The following THSD7B variants were observed in gnomAD, a reference collection of about 807,000 sequenced individuals.
THSD7B encodes thrombospondin type 1 domain containing 7B.
A neutral mutation model predicts 213.6 loss-of-function variants in THSD7B; 138 were observed. The ratio of observed to expected loss-of-function variants is 0.65; its 90% CI spans 0.56 to 0.74. The LOEUF (loss-of-function observed/expected upper bound fraction) is 0.74. Ranked by LOEUF, THSD7B falls within the 30% of genes least tolerant of loss-of-function variation. The pLI, the probability that THSD7B is intolerant of heterozygous loss-of-function variation, is 0.00. For missense variants in THSD7B, 1,931 were observed against 1,991.5 expected, an observed-to-expected ratio of 0.97 and a Z score of 0.58; for synonymous variants, 742 against 687.0, an observed-to-expected ratio of 1.08 and a Z score of -1.25.
intron 17 of THSD7B, among the ~76,000 whole-genome samples, chr2:137,590,699 A>T (rs934128920): frequency 7.3e-5 from 11 of 150,636 alleles, no homozygotes; most frequent in African/African-American, 2.7e-4. Flanking sequence ...ATGATTTATA[A>T]TTTCCTTTTT....
At chr2:136,997,455 T>C (rs1685915053) in intron 2 of THSD7B, among the ~76,000 whole-genome samples, 1 of 152,198 alleles carries the variant, frequency 6.6e-6, no homozygotes, top group African/African-American at 2.4e-5. Flanking sequence ...CTAGAAAAGA[T>C]GGAGATAGTA....
At chr2:137,030,364 T>C (rs949410809) in intron 2 of THSD7B, among the ~76,000 whole-genome samples, 7 of 152,160 alleles carry the variant, frequency 4.6e-5, no homozygotes, top group African/African-American at 9.7e-5. Flanking sequence ...CAGAATATAG[T>C]CAGACATATT....
intron 5 of THSD7B, among the ~76,000 whole-genome samples, chr2:137,137,272 A>C (rs1679484178): frequency 6.6e-6 from 1 of 151,878 alleles, no homozygotes; most frequent in East Asian, 1.9e-4. Flanking sequence ...TTCCCAGTTA[A>C]CTCATTCCAC....
chr2:136,898,932 T>TGA, intron 2 of THSD7B, among the ~76,000 whole-genome samples: 1 of 152,120 alleles, frequency 6.6e-6, no homozygotes, highest in African/African-American at 2.4e-5. Flanking sequence ...TGAGCCACTG[T>TGA]GCCCGACTGG....
chr2:136,936,116 T>C (rs1036952821), intron 2 of THSD7B, among the ~76,000 whole-genome samples: 1 of 151,794 alleles, frequency 6.6e-6, no homozygotes, highest in Non-Finnish European at 1.5e-5. Flanking sequence ...AAAATCACAG[T>C]GCAATACCAC....
At chr2:137,226,200 T>C (rs1328937271) in intron 7 of THSD7B, among the ~76,000 whole-genome samples, 1 of 151,848 alleles carries the variant, frequency 6.6e-6, no homozygotes, top group Non-Finnish European at 1.5e-5. Context: ...TTTTCCATAG[T>C]GTAATAGCAT....
intron 15 of THSD7B, among the ~76,000 whole-genome samples, chr2:137,520,400 T>A (rs1680163572): frequency 6.6e-6 from 1 of 152,216 alleles, no homozygotes; most frequent in South Asian, 2.1e-4. Context: ...ACTCTGTATA[T>A]ATAATGACAA....
chr2:137,026,699 G>A (rs537676003), intron 2 of THSD7B, among the ~76,000 whole-genome samples: 2 of 151,968 alleles, frequency 1.3e-5, no homozygotes, highest in African/African-American at 4.8e-5. Flanking sequence ...GCCACCTCCT[G>A]GCCATCTGAA....
rs895586400 is a variant in THSD7B, at chr2:136,844,490, G to GAGAGAGAGAGAGAGAGAGAC, written c.-35-37649_-35-37648insGAGAGAGAGAGAGACAGAGA. Among the ~76,000 whole-genome samples, 294 of 149,566 alleles carry GAGAGAGAGAGAGAGAGAGAC rather than the reference G, an allele frequency of 2.0e-3. 2 individuals are homozygous for GAGAGAGAGAGAGAGAGAGAC. The highest frequency in any genetic ancestry group is 6.8e-3 in the African/African-American group (272 of 39,900). On this transcript the variant is annotated intron_variant, in intron 1 of 27. Transcript: ENST00000409968. ...AGAGAGAGAGAGAGAGAGAGAGAGA[G>GAGAGAGAGAGAGAGAGAGAC]AGAGACAGAGAGATCGGTTTTCTGG...
chr2:137,601,882 T>C (rs1682081545), intron 17 of THSD7B, among the ~76,000 whole-genome samples: 1 of 152,252 alleles, frequency 6.6e-6, no homozygotes, highest in African/African-American at 2.4e-5. Flanking sequence ...AGCCAACATC[T>C]GTATCCTTTC....
chr2:136,773,969 C>T (rs1681556954), intron 1 of THSD7B, among the ~76,000 whole-genome samples: 2 of 151,736 alleles, frequency 1.3e-5, no homozygotes, highest in African/African-American at 2.4e-5. Context: ...GAAGATTTCT[C>T]TCTATCTCAT....
At chr2:137,450,742 G>A in intron 14 of THSD7B, 103 bp from the exon 15 acceptor site, 1 of 872,776 alleles carries the variant, frequency 1.1e-6, no homozygotes, top group Non-Finnish European at 1.7e-6. Context: ...AGCCACTACA[G>A]CAATATTGTT....
intron 1 of THSD7B, among the ~76,000 whole-genome samples, chr2:136,805,169 G>C (rs1041406794): frequency 1.3e-5 from 2 of 152,046 alleles, no homozygotes; most frequent in Non-Finnish European, 2.9e-5. Context: ...GCATCTTCAG[G>C]CTCCTTTACC....
intron 12 of THSD7B, among the ~76,000 whole-genome samples, chr2:137,299,626 A>T (rs1683551798): frequency 6.6e-6 from 1 of 152,136 alleles, no homozygotes; most frequent in Non-Finnish European, 1.5e-5. Context: ...TTACCAGCTT[A>T]TTTATTAAGA....
At chr2:136,838,129 T>G (rs905753284) in intron 1 of THSD7B, among the ~76,000 whole-genome samples, 2 of 152,236 alleles carry the variant, frequency 1.3e-5, no homozygotes, top group African/African-American at 4.8e-5. Flanking sequence ...ATTATTGCCT[T>G]TGATCCTAAA....
intron 12 of THSD7B, among the ~76,000 whole-genome samples, chr2:137,280,662 C>T (rs955596900): frequency 7.9e-5 from 12 of 152,096 alleles, no homozygotes; most frequent in African/African-American, 2.7e-4. Flanking sequence ...AGGAGACCCA[C>T]GTGTTCTTTC....
intron 5 of THSD7B, among the ~76,000 whole-genome samples, chr2:137,147,211 G>A (rs1473982833): frequency 6.6e-6 from 1 of 152,084 alleles, no homozygotes; most frequent in East Asian, 1.9e-4. Context: ...ATACATGAAT[G>A]CACATGGGAA....
chr2:137,213,075 T>C (rs950172111), intron 7 of THSD7B, among the ~76,000 whole-genome samples: 1 of 150,602 alleles, frequency 6.6e-6, no homozygotes, highest in Non-Finnish European at 1.5e-5. Context: ...GTCAGGTATG[T>C]AATATTTTGT....
At chr2:136,997,220 TTTCC>T (rs1685908517) in intron 2 of THSD7B, among the ~76,000 whole-genome samples, 1 of 152,208 alleles carries the variant, frequency 6.6e-6, no homozygotes, top group South Asian at 2.1e-4. Flanking sequence ...CTCCCCTTTC[TTTCC>T]TTTAGTCTAC....
Sources: gnomAD v4.1 joint callset for allele counts (sites outside exome capture counted in the v4.1 genomes callset) on GRCh38, gnomAD v4.1.1 for gene constraint, MANE v1.5 for transcripts, NCBI Gene and HGNC (gene_info 2026-07-23, HGNC 2026-07-21) for gene names.